ARHGAP10: variants seen among roughly 807,000 people sequenced by gnomAD.
The protein encoded by ARHGAP10 is Rho GTPase activating protein 10, also known as rho GTPase-activating protein 10.
In ARHGAP10, 87 loss-of-function variants were observed where a neutral mutation model predicts 108.6. The observed-to-expected ratio is 0.80, with a 90% CI of 0.67 to 0.96. The LOEUF is 0.96. Among genes scored for constraint, ARHGAP10 ranks in the 40% least tolerant of loss-of-function variants. The pLI, the probability that ARHGAP10 is intolerant of heterozygous loss-of-function variation, is 0.00. For synonymous variants in ARHGAP10, 347 were observed against 341.1 expected, an observed-to-expected ratio of 1.02 and a Z score of -0.19; for missense variants, 939 against 954.5, an observed-to-expected ratio of 0.98 and a Z score of 0.21.
chr4:147,809,791 C>T (rs1005263533), intron 1 of ARHGAP10, among the ~76,000 whole-genome samples: 2 of 152,120 alleles, frequency 1.3e-5, no homozygotes, highest in East Asian at 1.9e-4. Flanking sequence ...GAGTGTGCAA[C>T]GTAGATCCCT....
At chr4:147,902,696 G>A (rs543296606) in intron 10 of ARHGAP10, among the ~76,000 whole-genome samples, 12 of 152,172 alleles carry the variant, frequency 7.9e-5, no homozygotes, top group Admixed American at 7.2e-4. Context: ...AGCCGAGACT[G>A]CACCACTGCA....
At chr4:148,039,255 G>A (rs1728515572) in intron 19 of ARHGAP10, among the ~76,000 whole-genome samples, 1 of 151,610 alleles carries the variant, frequency 6.6e-6, no homozygotes, top group South Asian at 2.1e-4. Flanking sequence ...CCATCCTTTG[G>A]GGATTTTTAT....
chr4:147,882,889 T>A (rs928806841), intron 10 of ARHGAP10, among the ~76,000 whole-genome samples: 1 of 152,216 alleles, frequency 6.6e-6, no homozygotes, highest in Non-Finnish European at 1.5e-5. Context: ...GACAGTACAG[T>A]GATTCCTTGC....
chr4:147,784,815 TAA>T (rs1424489068), intron 1 of ARHGAP10, among the ~76,000 whole-genome samples: 357 of 17,614 alleles, frequency 0.02, 75 homozygotes, highest in Non-Finnish European at 0.05. Flanking sequence ...TAATATATTA[TAA>T]AATATATATT....
In ARHGAP10 at chr4:147,732,292, C is replaced by T; in HGVS notation, c.-10C>T. The stretch of plus-strand genomic sequence containing the variant: ...GCGGCCGTGCGCACCGCGCAGCGAC[C>T]GCTGCCGTCATGGGGCTGCAGCCCC... On this transcript the variant is annotated 5_prime_UTR_variant, in exon 1 of 23. Transcript: ENST00000336498. 2 of 1,602,018 alleles carry T rather than the reference C, an allele frequency of 1.2e-6. No individual in the cohort carries two copies. The highest frequency in any genetic ancestry group is 4.5e-5 in the East Asian group (2 of 44,006).
chr4:147,779,526 A>G (rs1730443471), intron 1 of ARHGAP10, among the ~76,000 whole-genome samples: 1 of 152,184 alleles, frequency 6.6e-6, no homozygotes, highest in Non-Finnish European at 1.5e-5. Context: ...GGATTATCTC[A>G]GGAGTGCATT....
intron 20 of ARHGAP10, among the ~76,000 whole-genome samples, chr4:148,061,892 C>T (rs890286784): frequency 6.6e-6 from 1 of 152,062 alleles, no homozygotes; most frequent in Non-Finnish European, 1.5e-5. Context: ...TGTGCCCTTT[C>T]ATTTATTGGT....
chr4:147,974,974 TC>T (rs1330217129), intron 18 of ARHGAP10, among the ~76,000 whole-genome samples: 1 of 152,072 alleles, frequency 6.6e-6, no homozygotes, highest in Non-Finnish European at 1.5e-5. Context: ...TCCCACTGGG[TC>T]CCTCCCACAA....
chr4:148,016,693 GGAGGTA>G (rs1217677597), intron 18 of ARHGAP10, among the ~76,000 whole-genome samples: 1 of 152,070 alleles, frequency 6.6e-6, no homozygotes. Context: ...CCGTCTACCT[GGAGGTA>G]GTGCCAGATG....
At chr4:147,732,593 T>A in intron 1 of ARHGAP10, 138 bp downstream of exon 1, 1 of 1,259,352 alleles carries the variant, frequency 7.9e-7, no homozygotes, top group Non-Finnish European at 1.1e-6. Context: ...CCAGCCCAGC[T>A]CTCTCGGAAC....
chr4:148,040,906 CAA>C (rs1728609000), intron 19 of ARHGAP10, among the ~76,000 whole-genome samples: 1 of 152,098 alleles, frequency 6.6e-6, no homozygotes, highest in Non-Finnish European at 1.5e-5. Context: ...AACTTTATCA[CAA>C]GAGTGTTTCT....
At chr4:147,873,719 C>CACACACACACACACAT (rs1420323318) in intron 7 of ARHGAP10, among the ~76,000 whole-genome samples, 25 of 150,858 alleles carry the variant, frequency 1.7e-4, no homozygotes, top group Non-Finnish European at 3.5e-4. Flanking sequence ...CACACACACA[C>CACACACACACACACAT]ACACTCTTGG....
chr4:147,748,506 C>T (rs1489141759), intron 1 of ARHGAP10, among the ~76,000 whole-genome samples: 2 of 152,132 alleles, frequency 1.3e-5, no homozygotes, highest in African/African-American at 4.8e-5. Flanking sequence ...GAGGGTAGAT[C>T]TTATATTAAG....
At chr4:147,986,413 C>T (rs1361583254) in intron 18 of ARHGAP10, among the ~76,000 whole-genome samples, 1 of 152,130 alleles carries the variant, frequency 6.6e-6, no homozygotes. Flanking sequence ...GAAGTATATA[C>T]AAATATATGC....
At chr4:147,903,604 C>T (rs1205498376) in intron 10 of ARHGAP10, among the ~76,000 whole-genome samples, 1 of 152,156 alleles carries the variant, frequency 6.6e-6, no homozygotes, top group African/African-American at 2.4e-5. Flanking sequence ...TCTTGTGCTC[C>T]ACCTGTTCAT....
intron 3 of ARHGAP10, among the ~76,000 whole-genome samples, chr4:147,825,886 A>G (rs1236095317): frequency 6.6e-6 from 1 of 152,214 alleles, no homozygotes; most frequent in African/African-American, 2.4e-5. Context: ...ATCTCAGGAC[A>G]AAGGTAAAGG....
intron 13 of ARHGAP10, among the ~76,000 whole-genome samples, chr4:147,931,819 G>C (rs1737701304): frequency 6.6e-6 from 1 of 152,134 alleles, no homozygotes; most frequent in African/African-American, 2.4e-5. Flanking sequence ...AGCAAAAATT[G>C]ACAAATGGGA....
chr4:147,926,382 C>T (rs1202056736), intron 13 of ARHGAP10, among the ~76,000 whole-genome samples: 3 of 152,040 alleles, frequency 2.0e-5, no homozygotes, highest in Non-Finnish European at 4.4e-5. Flanking sequence ...AGAGAGACTT[C>T]GCAGACAAAC....
At chr4:147,792,592 A>G (rs1731162221) in intron 1 of ARHGAP10, among the ~76,000 whole-genome samples, 1 of 151,914 alleles carries the variant, frequency 6.6e-6, no homozygotes, top group African/African-American at 2.4e-5. Context: ...CCCTCTTTAT[A>G]TATGCTACCT....
Sources: allele counts gnomAD v4.1 joint callset (sites outside exome capture counted in the v4.1 genomes callset), GRCh38; gene constraint gnomAD v4.1.1; transcripts MANE v1.5; gene names NCBI Gene and HGNC (gene_info 2026-07-23, HGNC 2026-07-21).